Variants in SGMS1 observed in about 807,000 individuals in gnomAD.
SGMS1 encodes sphingomyelin synthase 1, also known as phosphatidylcholine:ceramide cholinephosphotransferase 1.
Under a neutral mutation model 46.2 loss-of-function variants are expected in SGMS1, and 13 were observed. The observed-to-expected ratio is 0.28, with a 90% CI of 0.18 to 0.45. The LOEUF (loss-of-function observed/expected upper bound fraction) is 0.45. Ranked by LOEUF, SGMS1 falls within the 20% of genes least tolerant of loss-of-function variation. The pLI is 1.00. For missense variants in SGMS1, 324 were observed against 519.9 expected (o/e 0.62, Z 3.66); for synonymous variants, 203 against 187.8 (o/e 1.08, Z -0.66).
intron 6 of SGMS1, among the ~76,000 whole-genome samples, chr10:50,379,456 A>G (rs1410301648): frequency 2.8e-5 from 4 of 145,050 alleles, no homozygotes; most frequent in East Asian, 2.0e-4. Flanking sequence ...ATATATATAT[A>G]TGTGCACGTG....
At chr10:50,614,951 T>A (rs1838783095) in intron 1 of SGMS1, among the ~76,000 whole-genome samples, 1 of 152,246 alleles carries the variant, frequency 6.6e-6, no homozygotes, top group African/African-American at 2.4e-5. Context: ...GTGGCTGGCA[T>A]GCAGTTAGCC....
intron 4 of SGMS1, among the ~76,000 whole-genome samples, chr10:50,464,659 C>G (rs937896932): frequency 6.6e-6 from 1 of 152,216 alleles, no homozygotes; most frequent in African/African-American, 2.4e-5. Context: ...GTCTTGAACT[C>G]CTGACTTCAA....
intron 8 of SGMS1, among the ~76,000 whole-genome samples, chr10:50,317,081 C>A (rs1333542040): frequency 6.6e-6 from 1 of 152,148 alleles, no homozygotes; most frequent in African/African-American, 2.4e-5. Context: ...CTTAAACACT[C>A]AAATCAAAGA....
chr10:50,453,799 AGGAAGGAGGGAGGGAGGAAG>A (rs1837146234), intron 5 of SGMS1, among the ~76,000 whole-genome samples: 1 of 28,292 alleles, frequency 3.5e-5, no homozygotes, highest in South Asian at 1.4e-3. Flanking sequence ...GGGAGGGGAG[AGGAAGGAGGGAGGGAGGAAG>A]GGAGGGAGGG....
intron 1 of SGMS1, among the ~76,000 whole-genome samples, chr10:50,603,495 A>G (rs1399774987): frequency 6.6e-6 from 1 of 152,254 alleles, no homozygotes; most frequent in African/African-American, 2.4e-5. Flanking sequence ...TCTTACACAG[A>G]GAAAGCAGTC....
intron 2 of SGMS1, among the ~76,000 whole-genome samples, chr10:50,540,439 T>G (rs1446969692): frequency 6.6e-6 from 1 of 152,172 alleles, no homozygotes; most frequent in Non-Finnish European, 1.5e-5. Flanking sequence ...CTCTCATTCT[T>G]TCACTCAACA....
At chr10:50,374,900 G>T (rs1018355588) in intron 6 of SGMS1, among the ~76,000 whole-genome samples, 6 of 152,150 alleles carry the variant, frequency 3.9e-5, no homozygotes, top group African/African-American at 1.4e-4. Flanking sequence ...AATATCAACT[G>T]AATGTCCCTT....
At position 50,382,782 on chromosome 10, in the gene SGMS1, C is replaced by T. The variant is rs150014748; in HGVS notation, c.-231-38437G>A. 3.4e-4 allele frequency among the ~76,000 whole-genome samples: 52 copies of T among 152,244 alleles called. No individual in the cohort carries two copies. In the East Asian group the frequency reaches 6.9e-3, roughly 20 times the overall value. Reference sequence around the variant, plus strand: ...TGGTCTTATGAAATTGAATTTCATACGACTGTCACTCTGGGCTTCATTTAA... The same window carrying T: ...TGGTCTTATGAAATTGAATTTCATATGACTGTCACTCTGGGCTTCATTTAA... On this transcript the variant is annotated intron_variant, in intron 6 of 10. Transcript: ENST00000361781.
chr10:50,362,365 G>C (rs1377442004), intron 6 of SGMS1, among the ~76,000 whole-genome samples: 7 of 152,118 alleles, frequency 4.6e-5, no homozygotes, highest in Admixed American at 3.3e-4. Context: ...AGGGGTTGGG[G>C]ACTTAAGATC....
chr10:50,458,339 C>CTTTTTTTTTTTTT lies in SGMS1; in HGVS notation c.-313+2321_-313+2333dup, dbSNP rs750349777. On this transcript the variant is annotated intron_variant, in intron 5 of 10. Coordinates refer to ENST00000361781, the MANE Select transcript of SGMS1 (RefSeq NM_147156.4). ...TCTGGCTCTGCTATTTTCTTTTTCT[C>CTTTTTTTTTTTTT]TTTTTTTTTTTTTTTTTTTTTTTTT... Among the ~76,000 whole-genome samples, 91 of 97,140 alleles carry CTTTTTTTTTTTTT rather than the reference C, an allele frequency of 9.4e-4. 4 individuals are homozygous for CTTTTTTTTTTTTT. Among genetic ancestry groups the CTTTTTTTTTTTTT allele is most frequent in the Non-Finnish European group, 1.1e-3 (59 of 52,230 alleles). The allele number at this position is 97,140 out of a possible 152,430, so 63.7% of individuals were successfully genotyped here.
intron 1 of SGMS1, among the ~76,000 whole-genome samples, chr10:50,622,928 G>A (rs950866715): frequency 2.4e-4 from 37 of 152,232 alleles, no homozygotes; most frequent in African/African-American, 8.7e-4. Context: ...CGTCGCTGGG[G>A]GATAGCGCAG....
intron 6 of SGMS1, among the ~76,000 whole-genome samples, chr10:50,352,515 A>G (rs931080230): frequency 3.3e-5 from 5 of 152,232 alleles, no homozygotes; most frequent in African/African-American, 1.2e-4. Context: ...TCTTTATCCC[A>G]AAATAACACA....
rs747608192 is a variant in SGMS1, at chr10:50,307,115, T to C, written c.*27A>G. 4.4e-6 allele frequency: 7 copies of C among 1,604,826 alleles called. No individual in the cohort carries two copies. The highest frequency in any genetic ancestry group is 6.0e-6 in the Non-Finnish European group (7 of 1,174,094). ...TGGAGTTCTTAGCACTTCGGACAATTTGTCTTTTCCCCACTTTGTACAGCT... is the reference window on the plus strand; with the variant it reads ...TGGAGTTCTTAGCACTTCGGACAATCTGTCTTTTCCCCACTTTGTACAGCT... On this transcript the variant is annotated 3_prime_UTR_variant, in exon 11 of 11. Coordinates refer to ENST00000361781, the MANE Select transcript of SGMS1 (RefSeq NM_147156.4). This position sits in a 1 kb window ranked among gnomAD's most constrained non-coding sequence, Gnocchi z 4.2.
At chr10:50,503,067 C>A (rs1837675461) in intron 3 of SGMS1, among the ~76,000 whole-genome samples, 2 of 152,290 alleles carry the variant, frequency 1.3e-5, no homozygotes, top group Middle Eastern at 6.8e-3. Flanking sequence ...ATGGGAAGAA[C>A]CACCTTAACT....
At chr10:50,482,276 G>T (rs929952214) in intron 3 of SGMS1, among the ~76,000 whole-genome samples, 3 of 152,104 alleles carry the variant, frequency 2.0e-5, no homozygotes, top group African/African-American at 7.2e-5. Flanking sequence ...AGAGAGAAAG[G>T]CCAGGTAACC....
At position 50,516,909 on chromosome 10, in the gene SGMS1, G is replaced by A. The variant is rs1001372904; in HGVS notation, c.-498+2922C>T. On this transcript the variant is annotated intron_variant, in intron 3 of 10. Transcript: ENST00000361781. The stretch of plus-strand genomic sequence containing the variant: ...TGAGAATATAGTGGGAACATCTACT[G>A]TTCCTGAGCAAAGAACACTCAGGAT... Among the ~76,000 whole-genome samples, 5 of 152,152 alleles carry A rather than the reference G, an allele frequency of 3.3e-5. No homozygotes were observed. The East Asian group carries it at 9.6e-4, about 29-fold the overall frequency.
chr10:50,439,360 C>G (rs558386030), intron 5 of SGMS1, among the ~76,000 whole-genome samples: 1 of 152,234 alleles, frequency 6.6e-6, no homozygotes, highest in East Asian at 1.9e-4. Context: ...GTAGGGAAAT[C>G]CTACCATCAA....
chr10:50,511,860 T>C (rs1276615220), intron 3 of SGMS1, among the ~76,000 whole-genome samples: 4 of 152,290 alleles, frequency 2.6e-5, no homozygotes, highest in African/African-American at 9.6e-5. Flanking sequence ...TTCTAACCTG[T>C]ACATAATTTT....
chr10:50,602,885 G>C (rs903210634), intron 1 of SGMS1, among the ~76,000 whole-genome samples: 3 of 152,186 alleles, frequency 2.0e-5, no homozygotes, highest in African/African-American at 7.2e-5. Context: ...TGCCAGGATA[G>C]AGAAAATTTT....
Sources: gnomAD v4.1 joint callset for allele counts (sites outside exome capture counted in the v4.1 genomes callset) on GRCh38, gnomAD v4.1.1 for gene constraint, Gnocchi (gnomAD v3.1) non-coding constraint, MANE v1.5 for transcripts, NCBI Gene and HGNC (gene_info 2026-07-23, HGNC 2026-07-21) for gene names.